Variants in PDE6A observed in about 807,000 individuals in gnomAD.
PDE6A encodes the protein phosphodiesterase 6A.
In PDE6A, 84 loss-of-function variants were observed where a neutral mutation model predicts 106.3. The observed-to-expected ratio is 0.79, with a 90% CI of 0.66 to 0.95. The LOEUF is 0.95. Ranked by LOEUF, PDE6A falls within the 40% of genes least tolerant of loss-of-function variation. The probability of loss-of-function intolerance (pLI) is 0.00; values close to 1 mark genes in which losing one functional copy is unlikely to be tolerated. For synonymous variants in PDE6A, 394 were observed against 386.6 expected, an observed-to-expected ratio of 1.02 and a Z score of -0.23; for missense variants, 1,052 against 1,084.9, an observed-to-expected ratio of 0.97 and a Z score of 0.43.
At chr5:149,884,708 A>C (rs1752216991) in intron 15 of PDE6A, 72 bp downstream of exon 15, 3 of 1,499,750 alleles carry the variant, frequency 2.0e-6, no homozygotes, top group Non-Finnish European at 2.8e-6. Context: ...CCCTGGGCAC[A>C]CTCAGGCTCC....
chr5:149,909,366 G>C (rs577264533), intron 6 of PDE6A, among the ~76,000 whole-genome samples: 50 of 152,178 alleles, frequency 3.3e-4, no homozygotes, highest in Non-Finnish European at 6.8e-4. Flanking sequence ...CACTGGCAAG[G>C]CTGCTTTGAG....
intron 5 of PDE6A, among the ~76,000 whole-genome samples, chr5:149,918,016 G>C (rs1208230367): frequency 6.6e-6 from 1 of 152,150 alleles, no homozygotes; most frequent in Non-Finnish European, 1.5e-5. Flanking sequence ...AAGGACAATG[G>C]GGGAGAAAGA....
chr5:149,868,015 G>A (rs1442407801), intron 18 of PDE6A, 80 bp downstream of exon 18: 6 of 1,395,816 alleles, frequency 4.3e-6, no homozygotes, highest in Admixed American at 3.3e-5. Context: ...TCTGGAGCTG[G>A]GCTGAGAGAG....
At chr5:149,920,194 G>T (rs1753662020) in intron 5 of PDE6A, among the ~76,000 whole-genome samples, 1 of 152,054 alleles carries the variant, frequency 6.6e-6, no homozygotes, top group African/African-American at 2.4e-5. Context: ...AAAATAAAAT[G>T]CTGCAATTGG....
chr5:149,939,620 T>C (rs1192413205), intron 1 of PDE6A, among the ~76,000 whole-genome samples: 2 of 152,144 alleles, frequency 1.3e-5, no homozygotes, highest in African/African-American at 4.8e-5. Context: ...GCTGATGAGA[T>C]AATTCATTCA....
intron 14 of PDE6A, among the ~76,000 whole-genome samples, chr5:149,885,455 GGTTCA>G (rs2113556260): frequency 6.6e-6 from 1 of 152,352 alleles, no homozygotes; most frequent in African/African-American, 2.4e-5. Context: ...ATGAGATCAT[GGTTCA>G]AGGACTATGC....
At chr5:149,937,129 A>T (rs1391304746) in intron 1 of PDE6A, among the ~76,000 whole-genome samples, 1 of 152,188 alleles carries the variant, frequency 6.6e-6, no homozygotes, top group Non-Finnish European at 1.5e-5. Flanking sequence ...CTGAAGATGT[A>T]ATGCTGAGCT....
chr5:149,907,388 C>T lies in PDE6A; in HGVS notation c.999-10G>A. 6.2e-7 allele frequency: 1 copy of T among 1,612,592 alleles called. No individual in the cohort carries two copies. Among genetic ancestry groups the T allele is most frequent in the Non-Finnish European group, 8.5e-7 (1 of 1,178,634 alleles). On this transcript the variant is annotated splice_polypyrimidine_tract_variant and intron_variant, in intron 6 of 21. Coordinates refer to ENST00000255266, the MANE Select transcript of PDE6A (RefSeq NM_000440.3). ...GTCAGGAGGTGGATTCCTGTGAAGG[C>T]CAAAGACAAAACGGTGACTCTCAGT...
intron 17 of PDE6A, among the ~76,000 whole-genome samples, chr5:149,876,916 T>TAGAG (rs1227929143): frequency 6.7e-6 from 1 of 148,680 alleles, no homozygotes; most frequent in African/African-American, 2.5e-5. Flanking sequence ...TGAGAGATGA[T>TAGAG]AGATAGATAG....
At chr5:149,899,245 T>C (rs1454273564) in intron 9 of PDE6A, 130 bp downstream of exon 9, 1 of 831,146 alleles carries the variant, frequency 1.2e-6, no homozygotes, top group East Asian at 2.4e-5. Context: ...GTGAAGAAAG[T>C]GGTTGATGAG....
intron 5 of PDE6A, among the ~76,000 whole-genome samples, chr5:149,917,223 C>T (rs965530371): frequency 3.3e-5 from 5 of 151,980 alleles, no homozygotes; most frequent in African/African-American, 7.3e-5. Flanking sequence ...GCGTGACTCA[C>T]TCTCTTGAGT....
intron 1 of PDE6A, among the ~76,000 whole-genome samples, chr5:149,942,816 T>G (rs1271537455): frequency 1.3e-5 from 2 of 152,020 alleles, no homozygotes; most frequent in African/African-American, 2.4e-5. Context: ...GGTTTATGTT[T>G]GACTTTACAC....
intron 21 of PDE6A, among the ~76,000 whole-genome samples, chr5:149,861,494 A>G (rs1392730292): frequency 2.0e-5 from 3 of 152,172 alleles, no homozygotes; most frequent in Admixed American, 6.5e-5. Flanking sequence ...ACAAAAAAAT[A>G]CAAAAATTGG....
rs570297664 is a variant in PDE6A, at chr5:149,869,865, C to T, written c.2136-1707G>A. On this transcript the variant is annotated intron_variant, in intron 17 of 21. Transcript: ENST00000255266. The stretch of plus-strand genomic sequence containing the variant: ...GGGGAGAGGGAGGAGTGAGAGAAGG[C>T]TGGGGCTCTGAACCTAACTTGCTGC... Among the ~76,000 whole-genome samples, 10 of 152,220 alleles carry T rather than the reference C, an allele frequency of 6.6e-5. No homozygotes were observed. The East Asian group carries it at 1.9e-3, about 29-fold the overall frequency.
At chr5:149,884,215 T>TATAC (rs1554087101) in intron 16 of PDE6A, among the ~76,000 whole-genome samples, 367 of 146,452 alleles carry the variant, frequency 2.5e-3, no homozygotes, top group African/African-American at 7.6e-3. Context: ...TATATATATA[T>TATAC]ACACACACAC....
chr5:149,927,273 T>C (rs1265278200), intron 4 of PDE6A, among the ~76,000 whole-genome samples: 1 of 152,174 alleles, frequency 6.6e-6, no homozygotes, highest in Non-Finnish European at 1.5e-5. Flanking sequence ...GACTGAGAGT[T>C]GCTCTGCGTG....
At chr5:149,879,532 G>T (rs894091993) in intron 17 of PDE6A, among the ~76,000 whole-genome samples, 23 of 149,084 alleles carry the variant, frequency 1.5e-4, no homozygotes, top group Non-Finnish European at 3.0e-4. Context: ...CCACTAACTC[G>T]TCATCTAGCA....
chr5:149,880,260 C>T (rs1435474357), intron 17 of PDE6A, among the ~76,000 whole-genome samples: 1 of 152,000 alleles, frequency 6.6e-6, no homozygotes, highest in African/African-American at 2.4e-5. Flanking sequence ...TTGGAATCAC[C>T]CTTAAATGAA....
At chr5:149,878,688 T>C (rs73798309) in intron 17 of PDE6A, among the ~76,000 whole-genome samples, 3,157 of 152,298 alleles carry the variant, frequency 0.021, 98 homozygotes, top group African/African-American at 0.07. Context: ...TGTAAGCAAA[T>C]GTTTTCATCT....
Sources: allele counts gnomAD v4.1 joint callset (sites outside exome capture counted in the v4.1 genomes callset), GRCh38; gene constraint gnomAD v4.1.1; transcripts MANE v1.5; gene names NCBI Gene and HGNC (gene_info 2026-07-23, HGNC 2026-07-21).